Variants in CAMTA1 observed in about 807,000 individuals in gnomAD.
The protein encoded by CAMTA1 is calmodulin binding transcription activator 1, also known as calmodulin-binding transcription activator 1.
Under a neutral mutation model 170.9 loss-of-function variants are expected in CAMTA1, and 27 were observed. The ratio of observed to expected loss-of-function variants is 0.16; its 90% CI spans 0.12 to 0.22. CAMTA1 has a LOEUF of 0.22. Among genes scored for constraint, CAMTA1 ranks in the 10% least tolerant of loss-of-function variants. CAMTA1 has a pLI of 1.00. For synonymous variants in CAMTA1, 833 were observed against 891.5 expected, an observed-to-expected ratio of 0.93 and a Z score of 1.17; for missense variants, 1,619 against 2,217.2, an observed-to-expected ratio of 0.73 and a Z score of 5.42.
intron 4 of CAMTA1, among the ~76,000 whole-genome samples, chr1:7,100,942 G>A (rs1322760652): frequency 2.0e-5 from 3 of 152,198 alleles, no homozygotes; most frequent in Admixed American, 2.0e-4. Context: ...CAGGGTGCCT[G>A]TGATGCACGT....
chr1:7,325,708 A>G lies in CAMTA1; in HGVS notation c.438+76082A>G, dbSNP rs1168668472. ...GTAACTGAGATGAGGAAGCTATAAG[A>G]GAAGCAGTTTTGGAGGAAGCATGGG... is the stretch of plus-strand genomic sequence containing the variant. On this transcript the variant is annotated intron_variant, in intron 5 of 22. Transcript: ENST00000303635. The surrounding 1 kb of genome is among the most constrained non-coding windows in gnomAD (Gnocchi z 5.0). Among the ~76,000 whole-genome samples, 1 of 152,174 alleles carries G rather than the reference A, an allele frequency of 6.6e-6. No homozygotes were observed. The highest frequency in any genetic ancestry group is 1.5e-5 in the Non-Finnish European group (1 of 68,036).
At chr1:7,302,643 T>A (rs1400992591) in intron 5 of CAMTA1, among the ~76,000 whole-genome samples, 1 of 152,162 alleles carries the variant, frequency 6.6e-6, no homozygotes, top group Non-Finnish European at 1.5e-5. Flanking sequence ...TGGGAGGAGT[T>A]GGGGGGCTTC....
chr1:6,994,455 G>A (rs1461528392), intron 3 of CAMTA1, among the ~76,000 whole-genome samples: 2 of 152,044 alleles, frequency 1.3e-5, no homozygotes, highest in Non-Finnish European at 2.9e-5. Context: ...ATTCTGAGTG[G>A]ACAGTGTGTT....
chr1:7,346,426 A>G (rs1574832737), intron 5 of CAMTA1, among the ~76,000 whole-genome samples: 1 of 152,026 alleles, frequency 6.6e-6, no homozygotes. Flanking sequence ...AGGACGGGGG[A>G]ACTACAGCAA....
At chr1:7,505,570 G>T (rs1375256392) in intron 6 of CAMTA1, among the ~76,000 whole-genome samples, 4 of 152,326 alleles carry the variant, frequency 2.6e-5, no homozygotes, top group East Asian at 1.9e-4. Context: ...CCCACCCAGG[G>T]CTGCAGTTTC....
chr1:7,747,910 T>G (rs930873160), intron 19 of CAMTA1, 129 bp downstream of exon 19: 7 of 594,922 alleles, frequency 1.2e-5, no homozygotes, highest in East Asian at 6.1e-5. Context: ...TTGGTTGTTT[T>G]TTTTTTTTTA....
chr1:7,001,658 G>GAAGAAGGAC, intron 3 of CAMTA1, among the ~76,000 whole-genome samples: 1 of 152,184 alleles, frequency 6.6e-6, no homozygotes, highest in East Asian at 1.9e-4. Context: ...AAAGGATGCT[G>GAAGAAGGAC]GTCTTCACCA....
chr1:6,879,695 C>A (rs1670940305), intron 3 of CAMTA1, among the ~76,000 whole-genome samples: 1 of 149,716 alleles, frequency 6.7e-6, no homozygotes, highest in Admixed American at 6.8e-5. Flanking sequence ...GTGGCATAAT[C>A]ATGGCTTGCT....
At chr1:7,019,761 G>A (rs925932919) in intron 3 of CAMTA1, among the ~76,000 whole-genome samples, 1 of 152,250 alleles carries the variant, frequency 6.6e-6, no homozygotes, top group African/African-American at 2.4e-5. Flanking sequence ...CTTTGACCCG[G>A]AAATGTGACT....
chr1:6,928,347 G>A (rs1206229814), intron 3 of CAMTA1, among the ~76,000 whole-genome samples: 4 of 152,174 alleles, frequency 2.6e-5, no homozygotes, highest in Non-Finnish European at 5.9e-5. Flanking sequence ...CAAACCACTA[G>A]ACTTATAAGA....
At chr1:7,467,786 C>G in intron 5 of CAMTA1, 44 bp from the exon 6 acceptor site, 1 of 1,514,162 alleles carries the variant, frequency 6.6e-7, no homozygotes, top group Non-Finnish European at 9.2e-7. Flanking sequence ...TCCTTCCTTC[C>G]TTCCCTCTTT....
chr1:7,230,203 C>T (rs1001000218), intron 4 of CAMTA1, among the ~76,000 whole-genome samples: 2 of 152,184 alleles, frequency 1.3e-5, no homozygotes, highest in African/African-American at 2.4e-5. Flanking sequence ...TAATGATCCA[C>T]AGCTGCGCTT....
chr1:6,899,172 C>A (rs1182007842), intron 3 of CAMTA1, among the ~76,000 whole-genome samples: 3 of 152,198 alleles, frequency 2.0e-5, no homozygotes, highest in Non-Finnish European at 4.4e-5. Context: ...ATAATCATCA[C>A]TGCTGTGTGA....
In CAMTA1 at chr1:7,146,038, TG is replaced by T. The variant is rs2148649622; in HGVS notation, c.302+54668del. 6.6e-6 allele frequency among the ~76,000 whole-genome samples: 1 copy of T among 152,350 alleles called. No homozygotes were observed. Among genetic ancestry groups the T allele is most frequent in the South Asian group, 2.1e-4 (1 of 4,820 alleles). ...TGCATGAATGATAGCTTCTATTTAC[TG>T]AACACTTACTACGTGCGTGGCACTA... On this transcript the variant is annotated intron_variant, in intron 4 of 22. Coordinates refer to ENST00000303635, the MANE Select transcript of CAMTA1 (RefSeq NM_015215.4). The surrounding 1 kb of genome is among the most constrained non-coding windows in gnomAD (Gnocchi z 4.3).
chr1:7,212,908 C>T (rs1215317485), intron 4 of CAMTA1, among the ~76,000 whole-genome samples: 6 of 152,190 alleles, frequency 3.9e-5, no homozygotes, highest in Non-Finnish European at 8.8e-5. Context: ...ATAATTGTCT[C>T]GCGATTCATC....
At chr1:6,857,588 AC>A (rs1662921079) in intron 3 of CAMTA1, among the ~76,000 whole-genome samples, 2 of 152,160 alleles carry the variant, frequency 1.3e-5, no homozygotes, top group Admixed American at 6.5e-5. Context: ...TAGGACAAGG[AC>A]ATGTGTTTTG....
chr1:7,017,328 A>G (rs563683134), intron 3 of CAMTA1, among the ~76,000 whole-genome samples: 2 of 152,340 alleles, frequency 1.3e-5, no homozygotes, highest in Admixed American at 6.5e-5. Context: ...ATGAATCTGA[A>G]AGAGATGGTT....
At chr1:7,314,877 CCA>C (rs1677250732) in intron 5 of CAMTA1, among the ~76,000 whole-genome samples, 1 of 152,178 alleles carries the variant, frequency 6.6e-6, no homozygotes, top group Admixed American at 6.5e-5. Flanking sequence ...CAGCCTCTGA[CCA>C]CCAGAAAACC....
chr1:7,372,280 T>A (rs902602815), intron 5 of CAMTA1, among the ~76,000 whole-genome samples: 2 of 152,190 alleles, frequency 1.3e-5, no homozygotes, highest in African/African-American at 4.8e-5. Context: ...GCAGGTCCTT[T>A]AGGGGACAGC....
Sources: allele counts gnomAD v4.1 joint callset (sites outside exome capture counted in the v4.1 genomes callset), GRCh38; gene constraint gnomAD v4.1.1; non-coding constraint Gnocchi (gnomAD v3.1); transcripts MANE v1.5; gene names NCBI Gene and HGNC (gene_info 2026-07-23, HGNC 2026-07-21).